Variants in ADK observed in about 807,000 individuals in gnomAD.
ADK encodes the protein N6,N6-dimethyladenosine kinase.
Under a neutral mutation model 44.7 loss-of-function variants are expected in ADK, and 24 were observed. The observed-to-expected ratio is 0.54, with a 90% confidence interval of 0.39 to 0.76. ADK has a LOEUF of 0.76. Among genes scored for constraint, ADK ranks in the 30% least tolerant of loss-of-function variants. The pLI is 0.00. For missense variants in ADK, 321 were observed against 425.1 expected (o/e 0.76, Z 2.15); for synonymous variants, 128 against 142.6 (o/e 0.90, Z 0.73).
chr10:74,474,895 A>AG (rs1200837546), intron 6 of ADK, among the ~76,000 whole-genome samples: 2 of 152,186 alleles, frequency 1.3e-5, no homozygotes, highest in African/African-American at 4.8e-5. Context: ...TGGGAGGCTG[A>AG]GGTAGGCAGA....
intron 10 of ADK, 76 bp from the exon 11 acceptor site, chr10:74,708,245 A>G: frequency 3.3e-6 from 5 of 1,507,588 alleles, no homozygotes; most frequent in Non-Finnish European, 4.5e-6. Context: ...CTTAGATCAT[A>G]TATTGGTCTG....
At chr10:74,398,117 G>A (rs1056680241) in intron 5 of ADK, among the ~76,000 whole-genome samples, 1 of 151,994 alleles carries the variant, frequency 6.6e-6, no homozygotes, top group African/African-American at 2.4e-5. Flanking sequence ...CTTAAAAAAT[G>A]TTTTTAGTTG....
intron 4 of ADK, among the ~76,000 whole-genome samples, chr10:74,364,535 T>C (rs984208018): frequency 6.6e-6 from 1 of 152,230 alleles, no homozygotes; most frequent in Non-Finnish European, 1.5e-5. Flanking sequence ...TCTGAAACTT[T>C]TCCTGTCTTG....
At chr10:74,630,543 C>T (rs1284641368) in intron 9 of ADK, among the ~76,000 whole-genome samples, 2 of 151,978 alleles carry the variant, frequency 1.3e-5, no homozygotes, top group African/African-American at 4.8e-5. Flanking sequence ...TCAGATTATG[C>T]ATTTTTGGCA....
chr10:74,461,137 G>A (rs55829373), intron 6 of ADK, among the ~76,000 whole-genome samples: 25 of 147,210 alleles, frequency 1.7e-4, no homozygotes, highest in East Asian at 5.8e-4. Flanking sequence ...TTAAGAAACC[G>A]GAAATAGAAT....
intron 4 of ADK, among the ~76,000 whole-genome samples, chr10:74,388,454 A>C (rs532801888): frequency 1.0e-3 from 155 of 152,302 alleles, no homozygotes; most frequent in Non-Finnish European, 1.7e-3. Context: ...ATTTGGGGAG[A>C]ATTAATGTCT....
At chr10:74,280,349 G>A (rs184105597) in intron 3 of ADK, among the ~76,000 whole-genome samples, 4 of 151,504 alleles carry the variant, frequency 2.6e-5, no homozygotes, top group East Asian at 1.9e-4. Context: ...TGATCTACCC[G>A]CCTTGGCCTC....
At chr10:74,585,014 C>T (rs1851485057) in intron 7 of ADK, among the ~76,000 whole-genome samples, 1 of 152,178 alleles carries the variant, frequency 6.6e-6, no homozygotes, top group Non-Finnish European at 1.5e-5. Context: ...AGTTGTCTTT[C>T]ATATACGCAA....
At chr10:74,220,331 A>G (rs1174531040) in intron 2 of ADK, among the ~76,000 whole-genome samples, 1 of 152,208 alleles carries the variant, frequency 6.6e-6, no homozygotes, top group African/African-American at 2.4e-5. Flanking sequence ...AAGAAGTTGA[A>G]TCTCTGAACA....
chr10:74,661,353 C>T (rs1854719125), intron 9 of ADK: 1 of 878,290 alleles, frequency 1.1e-6, no homozygotes, highest in Admixed American at 6.2e-5. Context: ...CTCTTTCATT[C>T]ATTTGTCCCA....
chr10:74,520,929 C>T (rs1035517527), intron 6 of ADK, among the ~76,000 whole-genome samples: 3 of 152,052 alleles, frequency 2.0e-5, no homozygotes, highest in African/African-American at 4.8e-5. Context: ...ATAGGATCAA[C>T]GATAAACAGC....
intron 6 of ADK, among the ~76,000 whole-genome samples, chr10:74,416,309 A>T (rs1844373384): frequency 6.6e-6 from 1 of 152,090 alleles, no homozygotes; most frequent in African/African-American, 2.4e-5. Flanking sequence ...TCTATATAAT[A>T]GGGATCTTTT....
At chr10:74,501,054 T>G (rs1399807346) in intron 6 of ADK, among the ~76,000 whole-genome samples, 1 of 152,202 alleles carries the variant, frequency 6.6e-6, no homozygotes, top group Non-Finnish European at 1.5e-5. Context: ...GCTTTCAGCT[T>G]AGTCATTTTC....
intron 7 of ADK, among the ~76,000 whole-genome samples, chr10:74,532,947 A>G (rs1475607602): frequency 2.0e-5 from 3 of 147,016 alleles, no homozygotes; most frequent in Non-Finnish European, 4.5e-5. Context: ...AAAAGCTATT[A>G]GAACTAAGTG....
chr10:74,246,600 A>G (rs368511045), intron 3 of ADK, among the ~76,000 whole-genome samples: 9 of 152,236 alleles, frequency 5.9e-5, no homozygotes, highest in East Asian at 5.8e-4. Flanking sequence ...TGCCCATTGA[A>G]TACTTCATTA....
At chr10:74,586,445 A>G (rs932579513) in intron 7 of ADK, among the ~76,000 whole-genome samples, 5 of 152,200 alleles carry the variant, frequency 3.3e-5, no homozygotes, top group Non-Finnish European at 7.4e-5. Context: ...GTTTACAGAC[A>G]TGGAAGTGTC....
At chr10:74,195,590 C>G (rs1174152541) in intron 1 of ADK, among the ~76,000 whole-genome samples, 2 of 151,998 alleles carry the variant, frequency 1.3e-5, no homozygotes, top group African/African-American at 4.8e-5. Flanking sequence ...CTTAAGCGAT[C>G]CTCCCACCTC....
chr10:74,279,845 A>C lies in ADK; in HGVS notation c.195-34822A>C, dbSNP rs376052303. 1.3e-4 allele frequency among the ~76,000 whole-genome samples: 20 copies of C among 152,112 alleles called. 1 individual carries two copies. In the South Asian group the frequency reaches 2.5e-3, roughly 19 times the overall value. The stretch of plus-strand genomic sequence containing the variant: ...CCAGGAATTTGAGATCAGCCCAGGC[A>C]ATGTAGGGAGACCCCGTCTCTAAAA... On this transcript the variant is annotated intron_variant, in intron 3 of 10. Coordinates refer to ENST00000539909, the MANE Select transcript of ADK (RefSeq NM_006721.4).
intron 4 of ADK, among the ~76,000 whole-genome samples, chr10:74,319,960 CATTT>C (rs1840754158): frequency 6.6e-6 from 1 of 151,964 alleles, no homozygotes. Context: ...TTCTTTTATT[CATTT>C]GTCTTTTAAA....
Sources: allele counts gnomAD v4.1 joint callset (sites outside exome capture counted in the v4.1 genomes callset), GRCh38; gene constraint gnomAD v4.1.1; transcripts MANE v1.5; gene names NCBI Gene and HGNC (gene_info 2026-07-23, HGNC 2026-07-21).